The following RBFOX1 variants were observed in gnomAD, a reference collection of about 807,000 sequenced individuals.
RBFOX1 encodes RNA binding fox-1 homolog 1, also known as RNA binding protein fox-1 homolog 1.
RBFOX1 carries 8 observed loss-of-function variants against 57.7 expected under a neutral mutation model. The observed-to-expected ratio is 0.14, with a 90% confidence interval of 0.08 to 0.25. The LOEUF is 0.25. RBFOX1 is among the 10% of genes least tolerant of loss of function. The probability of loss-of-function intolerance (pLI) is 1.00; values close to 1 mark genes in which losing one functional copy is unlikely to be tolerated. For missense variants in RBFOX1, 611 were observed against 548.5 expected, an observed-to-expected ratio of 1.11 and a Z score of -1.14; for synonymous variants, 326 against 222.4, an observed-to-expected ratio of 1.47 and a Z score of -4.15.
At chr16:5,550,049 A>G (rs1232229359) in intron 2 of RBFOX1, among the ~76,000 whole-genome samples, 3 of 152,230 alleles carry the variant, frequency 2.0e-5, no homozygotes, top group Admixed American at 6.5e-5. Flanking sequence ...TTTCTCGCAG[A>G]TGAAATCATG....
chr16:7,595,499 A>G, intron 7 of RBFOX1, 50 bp from the exon 8 acceptor site: 1 of 1,404,936 alleles, frequency 7.1e-7, no homozygotes, highest in Non-Finnish European at 9.7e-7. Context: ...GTGGTCGTTG[A>G]CTGAAATAAT....
intron 2 of RBFOX1, among the ~76,000 whole-genome samples, chr16:6,616,193 T>C (rs1384177228): frequency 6.6e-6 from 1 of 152,198 alleles, no homozygotes; most frequent in African/African-American, 2.4e-5. Context: ...TTCTGTTCTT[T>C]GGTAACTGGA....
chr16:7,182,869 A>G (rs779219704), intron 4 of RBFOX1, among the ~76,000 whole-genome samples: 4 of 152,098 alleles, frequency 2.6e-5, no homozygotes, highest in Non-Finnish European at 5.9e-5. Context: ...CTCAACTTCT[A>G]TGTCTTCCAA....
chr16:7,614,705 C>T (rs1476717490), intron 10 of RBFOX1: 1 of 152,126 alleles, frequency 6.6e-6, no homozygotes, highest in African/African-American at 2.4e-5. Context: ...TTTAAGTTAC[C>T]ATTGTCCACA....
intron 1 of RBFOX1, chr16:6,038,553 ATC>A (rs2095398599): frequency 8.2e-6 from 1 of 122,196 alleles, no homozygotes; most frequent in African/African-American, 3.0e-5. Flanking sequence ...TATATATATC[ATC>A]CATATATATA....
rs145718254 is a variant in RBFOX1 at position 5,249,111 on chromosome 16, A to C, written c.219+9006A>C. Reference sequence around the variant, plus strand: ...GCTTGGATTTCCAGTTCCAAAGGACATGAAGACAAAGTCACACACCTTTAT... The same window carrying C: ...GCTTGGATTTCCAGTTCCAAAGGACCTGAAGACAAAGTCACACACCTTTAT... On this transcript the variant is annotated intron_variant, in intron 1 of 2. Coordinates refer to the RBFOX1 transcript ENST00000585867. 4.4e-3 allele frequency among the ~76,000 whole-genome samples: 677 copies of C among 152,222 alleles called. 5 individuals carry two copies. Among genetic ancestry groups the C allele is most frequent in the African/African-American group, 0.015 (637 of 41,518 alleles).
At chr16:7,552,264 A>C (rs2086789653) in intron 5 of RBFOX1, among the ~76,000 whole-genome samples, 1 of 151,846 alleles carries the variant, frequency 6.6e-6, no homozygotes, top group African/African-American at 2.4e-5. Flanking sequence ...CTTTATTTCC[A>C]TGTCTATGAG....
At chr16:7,204,754 C>A (rs937961458) in intron 4 of RBFOX1, among the ~76,000 whole-genome samples, 4 of 152,100 alleles carry the variant, frequency 2.6e-5, no homozygotes, top group African/African-American at 9.7e-5. Context: ...TCCTTTTCTC[C>A]CCCTCTCCCC....
chr16:7,351,292 T>C (rs1444229630), intron 4 of RBFOX1, among the ~76,000 whole-genome samples: 3 of 152,252 alleles, frequency 2.0e-5, no homozygotes, highest in Non-Finnish European at 2.9e-5. Flanking sequence ...AACTTTTCTA[T>C]GTCAAAGGGT....
At chr16:6,366,712 C>T (rs986934922) in intron 2 of RBFOX1, among the ~76,000 whole-genome samples, 1 of 152,096 alleles carries the variant, frequency 6.6e-6, no homozygotes, top group Non-Finnish European at 1.5e-5. Context: ...AGTATTATCC[C>T]AAGTTTACAG....
intron 2 of RBFOX1, among the ~76,000 whole-genome samples, chr16:6,481,690 A>C (rs1398503787): frequency 1.3e-5 from 2 of 152,190 alleles, no homozygotes; most frequent in Non-Finnish European, 2.9e-5. Context: ...GGATCATACA[A>C]GATAACATTA....
At chr16:5,592,652 T>A (rs2047048067) in intron 2 of RBFOX1, among the ~76,000 whole-genome samples, 1 of 152,198 alleles carries the variant, frequency 6.6e-6, no homozygotes, top group African/African-American at 2.4e-5. Flanking sequence ...TTTATTATGT[T>A]AAGTCCTCTG....
intron 4 of RBFOX1, among the ~76,000 whole-genome samples, chr16:5,961,155 C>T (rs1170725276): frequency 6.9e-6 from 1 of 144,732 alleles, no homozygotes; most frequent in Non-Finnish European, 1.5e-5. Context: ...TTCCTCTCTC[C>T]AAGAATTTTG....
At chr16:6,996,446 T>A (rs953812993) in intron 3 of RBFOX1, among the ~76,000 whole-genome samples, 1 of 152,210 alleles carries the variant, frequency 6.6e-6, no homozygotes, top group Non-Finnish European at 1.5e-5. Flanking sequence ...TATATCTAGA[T>A]TGATACATAC....
At chr16:6,914,473 G>C (rs1388847573) in intron 3 of RBFOX1, among the ~76,000 whole-genome samples, 1 of 151,994 alleles carries the variant, frequency 6.6e-6, no homozygotes, top group African/African-American at 2.4e-5. Flanking sequence ...CACAGACCTA[G>C]GTGTCTCACC....
intron 3 of RBFOX1, among the ~76,000 whole-genome samples, chr16:6,986,687 C>A (rs141727132): frequency 6.6e-6 from 1 of 152,160 alleles, no homozygotes; most frequent in Non-Finnish European, 1.5e-5. Flanking sequence ...CCCCTTCTCT[C>A]TCTCCTTCTC....
At chr16:6,932,369 A>T (rs932092354) in intron 3 of RBFOX1, among the ~76,000 whole-genome samples, 5 of 152,102 alleles carry the variant, frequency 3.3e-5, no homozygotes, top group Non-Finnish European at 5.9e-5. Flanking sequence ...AGGCTCCCTA[A>T]GTGCTGGGAT....
At chr16:7,532,521 C>G (rs2080370058) in intron 5 of RBFOX1, among the ~76,000 whole-genome samples, 1 of 152,178 alleles carries the variant, frequency 6.6e-6, no homozygotes, top group Non-Finnish European at 1.5e-5. Context: ...GATGCGCACC[C>G]TGGAATACAG....
chr16:7,080,442 CTGTT>C (rs2059014600), intron 4 of RBFOX1, among the ~76,000 whole-genome samples: 1 of 152,296 alleles, frequency 6.6e-6, no homozygotes, highest in East Asian at 1.9e-4. Context: ...AAAGTAATGA[CTGTT>C]TGTACTGAAT....
Sources: gnomAD v4.1 joint callset for allele counts (sites outside exome capture counted in the v4.1 genomes callset) on GRCh38, gnomAD v4.1.1 for gene constraint, MANE v1.5 for transcripts, NCBI Gene and HGNC (gene_info 2026-07-23, HGNC 2026-07-21) for gene names.